Variants in PLEKHA7 observed in about 807,000 individuals in gnomAD.
PLEKHA7 encodes pleckstrin homology domain containing A7.
In PLEKHA7, 104 loss-of-function variants were observed where a neutral mutation model predicts 170.0. The ratio of observed to expected loss-of-function variants is 0.61; its 90% confidence interval spans 0.52 to 0.72. The LOEUF is 0.72. Among genes scored for constraint, PLEKHA7 ranks in the 30% least tolerant of loss-of-function variants. PLEKHA7 has a pLI of 0.00. For missense variants in PLEKHA7, 1,615 were observed against 1,671.7 expected (o/e 0.97, Z 0.59); for synonymous variants, 648 against 660.8 (o/e 0.98, Z 0.30).
intron 2 of PLEKHA7, 22 bp downstream of exon 2, chr11:17,014,103 C>G: frequency 1.3e-6 from 2 of 1,590,700 alleles, no homozygotes; most frequent in Non-Finnish European, 1.7e-6. Flanking sequence ...GCGCGCCCCC[C>G]ACCCGCCGGC....
At chr11:16,856,197 T>A (rs1853435942) in intron 4 of PLEKHA7, among the ~76,000 whole-genome samples, 1 of 152,116 alleles carries the variant, frequency 6.6e-6, no homozygotes, top group Non-Finnish European at 1.5e-5. Context: ...GTCCCCACAC[T>A]CACTCTCTTA....
intron 3 of PLEKHA7, among the ~76,000 whole-genome samples, chr11:16,933,679 T>C (rs543066448): frequency 1.3e-5 from 2 of 152,182 alleles, no homozygotes; most frequent in African/African-American, 4.8e-5. Context: ...TAGTTTGACA[T>C]GTTGATTAAA....
rs1047960894 is a variant in PLEKHA7 at position 16,834,837 on chromosome 11, T to TG, written c.872+6709dup. Reference sequence around the variant, plus strand: ...TATGGACGTGAGGCAGAAGATTACTTGGGGGGGCGGGGGCAGAGAGCAGGC... The same window carrying TG: ...TATGGACGTGAGGCAGAAGATTACTTGGGGGGGGCGGGGGCAGAGAGCAGGC... On this transcript the variant is annotated intron_variant, in intron 9 of 26. Transcript: ENST00000531066. Among the ~76,000 whole-genome samples, 15 of 150,918 alleles carry TG rather than the reference T, an allele frequency of 9.9e-5. No individual in the cohort carries two copies. In the East Asian group the frequency reaches 1.6e-3, roughly 16 times the overall value.
chr11:16,957,700 T>C (rs1425760197), intron 3 of PLEKHA7, among the ~76,000 whole-genome samples: 8 of 132,846 alleles, frequency 6.0e-5, no homozygotes, highest in Non-Finnish European at 9.8e-5. Flanking sequence ...TTTTTTTCTT[T>C]TTTTTTTTTT....
At chr11:17,012,411 C>T (rs1407134516) in intron 3 of PLEKHA7, among the ~76,000 whole-genome samples, 3 of 152,156 alleles carry the variant, frequency 2.0e-5, no homozygotes, top group Admixed American at 6.5e-5. Flanking sequence ...TCGCTCTTCC[C>T]GAAATGCTTT....
In PLEKHA7 at chr11:16,888,483, T is replaced by C. The variant is rs557134499; in HGVS notation, c.222-17301A>G. Among the ~76,000 whole-genome samples the C allele has an allele frequency of 3.3e-5, 5 of 152,290 alleles. No homozygotes were observed. In the East Asian group the frequency reaches 7.9e-4, roughly 24 times the overall value. On this transcript the variant is annotated intron_variant, in intron 3 of 26. Transcript: ENST00000531066. ...AGGGAAGTAGACATAGGAGACTCCA[T>C]TTTGTTCTGTACTAAGAAAAATTCT...
intron 9 of PLEKHA7, among the ~76,000 whole-genome samples, chr11:16,837,908 C>T (rs983765552): frequency 6.6e-6 from 1 of 152,124 alleles, no homozygotes; most frequent in Admixed American, 6.5e-5. Context: ...CCAGGCCCAA[C>T]TATCGGTGGT....
chr11:16,822,526 A>G (rs926057701), intron 10 of PLEKHA7, among the ~76,000 whole-genome samples: 3 of 146,284 alleles, frequency 2.1e-5, no homozygotes, highest in Admixed American at 2.0e-4. Context: ...AAAAAAAAAA[A>G]GGAAAGAAGG....
At chr11:16,903,240 G>A (rs1391329351) in intron 3 of PLEKHA7, among the ~76,000 whole-genome samples, 1 of 152,220 alleles carries the variant, frequency 6.6e-6, no homozygotes, top group Non-Finnish European at 1.5e-5. Context: ...CTTAGTCACA[G>A]CTCTATAATT....
intron 4 of PLEKHA7, 57 bp downstream of exon 4, chr11:16,871,042 A>C (rs1414215220): frequency 2.9e-6 from 4 of 1,393,570 alleles, no homozygotes; most frequent in Non-Finnish European, 3.0e-6. Flanking sequence ...GTTTTCAGCA[A>C]ATGCCTTTAG....
Position 16,779,001 on chromosome 11 carries a change from C to T in PLEKHA7, c.3813G>A (p.Pro1271=), listed in dbSNP as rs913191560. The T allele has an allele frequency of 1.3e-5, 9 of 702,478 alleles. No homozygotes were observed. Among genetic ancestry groups the T allele is most frequent in the African/African-American group, 3.5e-5 (2 of 57,252 alleles). 43.5% of individuals were successfully genotyped at this position (702,478 alleles called of 1,614,324 possible). A position where few individuals can be genotyped will look rare whatever the true frequency, so the allele number is the denominator to read the frequency against. ...KQVAAQAVTD[P] is the part of the protein sequence containing the mutation. ...CCAGGCTTCTTTGCATGCTGGGTCA[C>T]GGGTCAGTCACTGCCTGGGCTGGCA... Residue 1271 remains proline (P), a synonymous_variant, in exon 27 of 27, where the codon CCG becomes CCA. Transcript: ENST00000531066.
chr11:16,880,308 A>G (rs567220717), intron 3 of PLEKHA7, among the ~76,000 whole-genome samples: 1 of 152,332 alleles, frequency 6.6e-6, no homozygotes, highest in East Asian at 1.9e-4. Context: ...CAGCTCTGCC[A>G]CACACTGGTA....
At chr11:16,792,001 G>A (rs969421160) in intron 19 of PLEKHA7, among the ~76,000 whole-genome samples, 1 of 152,220 alleles carries the variant, frequency 6.6e-6, no homozygotes, top group African/African-American at 2.4e-5. Flanking sequence ...ATTTGGTTTT[G>A]TTTTTAAGAA....
chr11:16,856,253 T>G (rs895913853), intron 4 of PLEKHA7, among the ~76,000 whole-genome samples: 2 of 152,238 alleles, frequency 1.3e-5, no homozygotes, highest in African/African-American at 4.8e-5. Context: ...CATGCACAGA[T>G]GTGCCACTCT....
chr11:16,936,165 G>A (rs1043719160), intron 3 of PLEKHA7, among the ~76,000 whole-genome samples: 2 of 151,982 alleles, frequency 1.3e-5, no homozygotes, highest in African/African-American at 2.4e-5. Context: ...ACCTTGGGAG[G>A]CCGAGGTGGG....
intron 8 of PLEKHA7, among the ~76,000 whole-genome samples, chr11:16,843,081 A>G (rs115857292): frequency 1.4e-3 from 219 of 152,340 alleles, no homozygotes; most frequent in African/African-American, 5.0e-3. Flanking sequence ...TATTTTGTTC[A>G]CTACTATATC....
At chr11:16,863,293 A>C (rs1854121970) in intron 4 of PLEKHA7, among the ~76,000 whole-genome samples, 2 of 152,210 alleles carry the variant, frequency 1.3e-5, no homozygotes, top group Admixed American at 1.3e-4. Context: ...AACACCGCTC[A>C]CAACATTCCA....
intron 25 of PLEKHA7, 142 bp downstream of exon 25, chr11:16,783,558 G>T: frequency 1.1e-6 from 1 of 895,730 alleles, no homozygotes. Context: ...GTACCAGCCT[G>T]CCCCCTCCAA....
chr11:16,841,393 C>A (rs921977849), intron 9 of PLEKHA7, among the ~76,000 whole-genome samples, 154 bp downstream of exon 9: 1 of 152,118 alleles, frequency 6.6e-6, no homozygotes, highest in African/African-American at 2.4e-5. Flanking sequence ...CCCTTCCAGG[C>A]CTTAGTGTTT....
Sources: allele counts gnomAD v4.1 joint callset (sites outside exome capture counted in the v4.1 genomes callset), GRCh38; gene constraint gnomAD v4.1.1; transcripts MANE v1.5; gene names NCBI Gene and HGNC (gene_info 2026-07-23, HGNC 2026-07-21).